Variants in TBC1D5 observed in about 807,000 individuals in gnomAD.
TBC1D5 encodes TBC1 domain family, member 5.
TBC1D5 carries 75 observed loss-of-function variants against 100.3 expected under a neutral mutation model. The observed-to-expected ratio is 0.75, with a 90% CI of 0.62 to 0.91. The LOEUF is 0.91. Ranked by LOEUF, TBC1D5 falls within the 40% of genes least tolerant of loss-of-function variation. The probability of loss-of-function intolerance (pLI) is 0.00; values close to 1 mark genes in which losing one functional copy is unlikely to be tolerated. For missense variants in TBC1D5, 910 were observed against 942.4 expected (o/e 0.97, Z 0.45); for synonymous variants, 323 against 325.6 (o/e 0.99, Z 0.09).
At chr3:17,731,871 T>G (rs1296308640) in intron 1 of TBC1D5, among the ~76,000 whole-genome samples, 1 of 152,148 alleles carries the variant, frequency 6.6e-6, no homozygotes, top group Non-Finnish European at 1.5e-5. Context: ...CACACACTTG[T>G]AAAGATTTTT....
intron 2 of TBC1D5, among the ~76,000 whole-genome samples, chr3:17,567,966 C>T (rs1176059036): frequency 6.6e-6 from 1 of 151,412 alleles, no homozygotes; most frequent in Non-Finnish European, 1.5e-5. Context: ...AATTAAAAAC[C>T]CTGACCTACT....
At chr3:17,245,022 C>CAAAAAA (rs34531807) in intron 16 of TBC1D5, among the ~76,000 whole-genome samples, 3 of 35,334 alleles carry the variant, frequency 8.5e-5, no homozygotes, top group African/African-American at 2.2e-4. Flanking sequence ...CCTGTCTCTA[C>CAAAAAA]AAAAAAAAAA....
In TBC1D5 at chr3:17,501,298, C is replaced by G. The variant is rs1463035183; in HGVS notation, c.97+7176G>C. ...ATGGAGCATTGAGCTGCTTTATTGG[C>G]TAACACCACACAATGTTTCACCAAA... On this transcript the variant is annotated intron_variant, in intron 3 of 21. Coordinates refer to ENST00000253692, the Ensembl canonical transcript of TBC1D5. Among the ~76,000 whole-genome samples, 2 of 149,348 alleles carry G rather than the reference C, an allele frequency of 1.3e-5. 1 individual carries two copies. The highest frequency in any genetic ancestry group is 2.9e-5 in the Non-Finnish European group (2 of 67,904).
chr3:17,583,630 G>A (rs983474789), intron 2 of TBC1D5, among the ~76,000 whole-genome samples: 1 of 152,168 alleles, frequency 6.6e-6, no homozygotes. Context: ...AGGGGGCTGA[G>A]GCAAGAGAAT....
At chr3:17,694,818 A>G (rs551365311) in intron 1 of TBC1D5, among the ~76,000 whole-genome samples, 9 of 152,346 alleles carry the variant, frequency 5.9e-5, no homozygotes, top group Middle Eastern at 3.4e-3. Flanking sequence ...GGTTGAAATG[A>G]AGGAAAAAAT....
At chr3:17,694,022 C>T (rs1187650720) in intron 1 of TBC1D5, among the ~76,000 whole-genome samples, 1 of 152,178 alleles carries the variant, frequency 6.6e-6, no homozygotes. Flanking sequence ...AGAAGGAAAA[C>T]TAACAAACAG....
At chr3:17,191,305 T>C (rs892871562) in intron 18 of TBC1D5, among the ~76,000 whole-genome samples, 2 of 152,246 alleles carry the variant, frequency 1.3e-5, no homozygotes, top group Admixed American at 6.5e-5. Context: ...TTCTACCTCA[T>C]GTGCTTGTTG....
intron 14 of TBC1D5, among the ~76,000 whole-genome samples, chr3:17,306,542 G>A (rs759471603): frequency 7.2e-5 from 11 of 152,008 alleles, no homozygotes; most frequent in Non-Finnish European, 1.5e-4. Context: ...AGGACTTCAG[G>A]TGCCAAAAAA....
chr3:17,531,521 T>C (rs1051824453), intron 2 of TBC1D5, among the ~76,000 whole-genome samples: 18 of 152,212 alleles, frequency 1.2e-4, no homozygotes, highest in African/African-American at 2.2e-4. Flanking sequence ...GAGCCCGCAT[T>C]GCCAAGTCAA....
intron 3 of TBC1D5, among the ~76,000 whole-genome samples, chr3:17,486,223 A>G (rs1198430910): frequency 6.6e-6 from 1 of 152,084 alleles, no homozygotes; most frequent in African/African-American, 2.4e-5. Flanking sequence ...AGTTCATTGT[A>G]GATTCTGGAT....
chr3:17,705,349 C>CG (rs1251090228), intron 1 of TBC1D5, among the ~76,000 whole-genome samples: 1 of 108,308 alleles, frequency 9.2e-6, no homozygotes, highest in Non-Finnish European at 1.9e-5. Context: ...GGGGGCTGAC[C>CG]CCCCCCCACC....
chr3:17,549,812 C>G (rs1482325806), intron 2 of TBC1D5, among the ~76,000 whole-genome samples: 3 of 151,902 alleles, frequency 2.0e-5, no homozygotes, highest in Admixed American at 6.6e-5. Context: ...TGCCTGTATT[C>G]CCAGCTACTC....
intron 1 of TBC1D5, among the ~76,000 whole-genome samples, chr3:17,660,464 A>C (rs141516394): frequency 3.2e-3 from 493 of 152,360 alleles, no homozygotes; most frequent in Non-Finnish European, 4.7e-3. Context: ...ACTCAGACTT[A>C]ATTAAACCAA....
intron 17 of TBC1D5, among the ~76,000 whole-genome samples, chr3:17,230,897 C>A (rs1359391153): frequency 6.6e-6 from 1 of 152,006 alleles, no homozygotes; most frequent in Admixed American, 6.6e-5. Context: ...TACGCATATC[C>A]TCCTTTATAC....
intron 3 of TBC1D5, among the ~76,000 whole-genome samples, chr3:17,440,114 T>C (rs910921959): frequency 2.0e-5 from 3 of 152,138 alleles, no homozygotes; most frequent in Non-Finnish European, 2.9e-5. Context: ...GTTTGATGAA[T>C]GTCCAACAGA....
intron 18 of TBC1D5, among the ~76,000 whole-genome samples, chr3:17,206,925 T>C (rs1575958891): frequency 6.6e-6 from 1 of 152,288 alleles, no homozygotes; most frequent in East Asian, 1.9e-4. Flanking sequence ...AAGTCAGTTT[T>C]TGAGTTTTTC....
At chr3:17,672,483 AC>A (rs2068054462) in intron 1 of TBC1D5, 1 of 152,224 alleles carries the variant, frequency 6.6e-6, no homozygotes, top group Non-Finnish European at 1.5e-5. Context: ...TCCAAATAGC[AC>A]AGGTCCTAGC....
At chr3:17,709,377 A>C (rs750430775) in intron 1 of TBC1D5, among the ~76,000 whole-genome samples, 8 of 152,228 alleles carry the variant, frequency 5.3e-5, no homozygotes, top group African/African-American at 7.2e-5. Context: ...GATTGAATCA[A>C]GATGATAGAC....
At chr3:17,293,447 A>G (rs2150189985) in intron 14 of TBC1D5, among the ~76,000 whole-genome samples, 1 of 152,328 alleles carries the variant, frequency 6.6e-6, no homozygotes, top group South Asian at 2.1e-4. Context: ...AAAAGTTTTG[A>G]TCTCATGACT....
Sources: gnomAD v4.1 joint callset for allele counts (sites outside exome capture counted in the v4.1 genomes callset) on GRCh38, gnomAD v4.1.1 for gene constraint, MANE v1.5 for transcripts, NCBI Gene and HGNC (gene_info 2026-07-23, HGNC 2026-07-21) for gene names.